Variants in PDZRN3 observed in about 807,000 individuals in gnomAD.
The protein encoded by PDZRN3 is PDZ domain containing ring finger 3.
PDZRN3 carries 38 observed loss-of-function variants against 85.7 expected under a neutral mutation model. That is an observed-to-expected ratio of 0.44 (90% CI 0.34 to 0.58). The LOEUF (loss-of-function observed/expected upper bound fraction) is 0.58, where lower values mean the gene tolerates loss of function less well. PDZRN3 is among the 20% of genes least tolerant of loss of function. The probability of loss-of-function intolerance (pLI) is 0.01; values close to 1 mark genes in which losing one functional copy is unlikely to be tolerated. For missense variants in PDZRN3, 1,629 were observed against 1,506.4 expected (o/e 1.08, Z -1.35); for synonymous variants, 759 against 638.0 (o/e 1.19, Z -2.86).
intron 3 of PDZRN3, among the ~76,000 whole-genome samples, chr3:73,490,029 T>C (rs1351393406): frequency 6.6e-6 from 1 of 152,210 alleles, no homozygotes; most frequent in African/African-American, 2.4e-5. Flanking sequence ...TCTTTATGTG[T>C]GAATGTATGG....
intron 3 of PDZRN3, among the ~76,000 whole-genome samples, chr3:73,510,505 G>A (rs1452546642): frequency 6.6e-6 from 1 of 152,188 alleles, no homozygotes; most frequent in African/African-American, 2.4e-5. Context: ...CCAGTGAAGA[G>A]GCCTGAGTCA....
At chr3:73,389,919 G>C (rs535327096) in intron 6 of PDZRN3, 41 bp from the exon 7 acceptor site, 221 of 1,459,052 alleles carry the variant, frequency 1.5e-4, no homozygotes, top group Middle Eastern at 3.5e-4. Context: ...ACGCAGACAT[G>C]CATGAAAATA....
chr3:73,513,336 G>A (rs1704200860), intron 3 of PDZRN3, among the ~76,000 whole-genome samples: 1 of 152,188 alleles, frequency 6.6e-6, no homozygotes, highest in Admixed American at 6.5e-5. Context: ...TCAGCACACT[G>A]CTCCCGGTAA....
intron 3 of PDZRN3, among the ~76,000 whole-genome samples, chr3:73,562,836 A>C (rs1701850153): frequency 6.6e-6 from 1 of 151,544 alleles, no homozygotes; most frequent in South Asian, 2.1e-4. Flanking sequence ...TGCACTTCTC[A>C]CATTAAGAAT....
At chr3:73,616,217 G>A (rs1431881593) in intron 1 of PDZRN3, among the ~76,000 whole-genome samples, 1 of 152,180 alleles carries the variant, frequency 6.6e-6, no homozygotes, top group Non-Finnish European at 1.5e-5. Flanking sequence ...AGACGCCGGT[G>A]CCATGTTTCT....
At chr3:73,545,511 A>T (rs1309057017) in intron 3 of PDZRN3, among the ~76,000 whole-genome samples, 2 of 152,238 alleles carry the variant, frequency 1.3e-5, no homozygotes, top group East Asian at 3.8e-4. Flanking sequence ...TGCCTGGGAC[A>T]TAACAGCAAT....
chr3:73,501,522 C>T (rs1422880057), intron 3 of PDZRN3, among the ~76,000 whole-genome samples: 1 of 152,224 alleles, frequency 6.6e-6, no homozygotes, highest in Non-Finnish European at 1.5e-5. Context: ...GTCTTTCCCA[C>T]TTCTAATCTA....
intron 3 of PDZRN3, chr3:73,474,778 T>G (rs920707897): frequency 6.4e-6 from 2 of 312,442 alleles, no homozygotes; most frequent in African/African-American, 4.3e-5. Context: ...CATAAGGTAT[T>G]AAGAAAGGAG....
intron 3 of PDZRN3, among the ~76,000 whole-genome samples, chr3:73,415,320 C>A (rs771692536): frequency 6.6e-6 from 1 of 152,198 alleles, no homozygotes; most frequent in Non-Finnish European, 1.5e-5. Flanking sequence ...AAACCTGGTA[C>A]AACTGATGGG....
chr3:73,525,619 T>A (rs1045704461), intron 3 of PDZRN3, among the ~76,000 whole-genome samples: 2 of 152,222 alleles, frequency 1.3e-5, no homozygotes, highest in Admixed American at 6.5e-5. Flanking sequence ...GCTCAAAGTA[T>A]TCTTTACCAA....
At chr3:73,507,664 GA>G (rs1394813786) in intron 3 of PDZRN3, among the ~76,000 whole-genome samples, 1 of 152,208 alleles carries the variant, frequency 6.6e-6, no homozygotes, top group Non-Finnish European at 1.5e-5. Context: ...AGCCATATGA[GA>G]AATCACTACT....
intron 5 of PDZRN3, among the ~76,000 whole-genome samples, chr3:73,396,531 G>A (rs1247480812): frequency 6.6e-6 from 1 of 152,106 alleles, no homozygotes; most frequent in East Asian, 1.9e-4. Flanking sequence ...GACTGGCTGG[G>A]GCATCCTGCA....
At chr3:73,401,128 C>T (rs1701740268) in intron 4 of PDZRN3, 119 bp from the exon 5 acceptor site, 1 of 719,902 alleles carries the variant, frequency 1.4e-6, no homozygotes, top group Admixed American at 2.0e-5. Flanking sequence ...CCTTTCATGA[C>T]TCACTTCCCT....
At chr3:73,520,590 T>A (rs567343980) in intron 3 of PDZRN3, among the ~76,000 whole-genome samples, 2 of 152,152 alleles carry the variant, frequency 1.3e-5, no homozygotes, top group South Asian at 4.2e-4. Context: ...CAACCCTGAA[T>A]CAAGGCCTCC....
rs867220571 is a variant in PDZRN3 at position 73,503,773 on chromosome 3, G to C, written c.918+98581C>G. 7.9e-5 allele frequency among the ~76,000 whole-genome samples: 12 copies of C among 152,268 alleles called. 1 individual carries two copies. Among genetic ancestry groups the C allele is most frequent in the Middle Eastern group, 6.8e-3 (2 of 294 alleles). ...CTTGGTAAAAGCTTTGAACTTTTTT[G>C]GGGCAGAAAGGTATCACAAACTGAA... is the stretch of plus-strand genomic sequence containing the variant. On this transcript the variant is annotated intron_variant, in intron 3 of 9. Coordinates refer to ENST00000263666, the MANE Select transcript of PDZRN3 (RefSeq NM_015009.3).
At chr3:73,574,458 G>GC (rs1702089608) in intron 3 of PDZRN3, among the ~76,000 whole-genome samples, 2 of 13,540 alleles carry the variant, frequency 1.5e-4, no homozygotes, top group Admixed American at 1.3e-3. Flanking sequence ...TGGCTGGGGT[G>GC]GGGGGGGTGG....
In PDZRN3 at chr3:73,383,389, G is replaced by A. The variant is rs1242290283; in HGVS notation, c.3177C>T (p.Ser1059=). ...ATTATACAGTAGTCACCGATAGGAA[G>A]GAATTGTATACTCTAGTGCCGTCCG... ...KSPDGTRVYN[S]FLSVTTV The change falls in exon 10 of 10, where the codon TCC becomes TCT. Residue 1059 remains serine (S), a synonymous_variant. Transcript: ENST00000263666. 2 of 1,612,178 alleles carry A rather than the reference G, an allele frequency of 1.2e-6. No homozygotes were observed. The highest frequency in any genetic ancestry group is 1.7e-6 in the Non-Finnish European group (2 of 1,179,026).
At chr3:73,397,347 T>C (rs942519134) in intron 5 of PDZRN3, among the ~76,000 whole-genome samples, 1 of 152,232 alleles carries the variant, frequency 6.6e-6, no homozygotes, top group Non-Finnish European at 1.5e-5. Flanking sequence ...AAGTGGTCTG[T>C]TGAGATTGGC....
intron 3 of PDZRN3, among the ~76,000 whole-genome samples, chr3:73,504,967 GTGC>G (rs1323829788): frequency 6.6e-6 from 1 of 152,196 alleles, no homozygotes; most frequent in Non-Finnish European, 1.5e-5. Context: ...TCATATGAAT[GTGC>G]TTGTGATAGG....
Sources: gnomAD v4.1 joint callset for allele counts (sites outside exome capture counted in the v4.1 genomes callset) on GRCh38, gnomAD v4.1.1 for gene constraint, MANE v1.5 for transcripts, NCBI Gene and HGNC (gene_info 2026-07-23, HGNC 2026-07-21) for gene names.